The following PTPRZ1 variants were observed in gnomAD, a reference collection of about 807,000 sequenced individuals.
The protein encoded by PTPRZ1 is protein tyrosine phosphatase receptor type Z1.
Under a neutral mutation model 214.1 loss-of-function variants are expected in PTPRZ1, and 82 were observed. The ratio of observed to expected loss-of-function variants is 0.38; its 90% CI spans 0.32 to 0.46. The LOEUF (loss-of-function observed/expected upper bound fraction) is 0.46, where lower values mean the gene tolerates loss of function less well. Among genes scored for constraint, PTPRZ1 ranks in the 20% least tolerant of loss-of-function variants. PTPRZ1 has a pLI of 1.00. For synonymous variants in PTPRZ1, 945 were observed against 987.9 expected (o/e 0.96, Z 0.81); for missense variants, 2,603 against 2,748.7 (o/e 0.95, Z 1.19).
Position 121,984,020 on chromosome 7 carries a change from G to A in PTPRZ1, c.831G>A (p.Leu277=), listed in dbSNP as rs1188858810. 1.2e-6 allele frequency: 2 copies of A among 1,613,658 alleles called. No homozygotes were observed. The highest frequency in any genetic ancestry group is 2.2e-5 in the South Asian group (2 of 91,066). ...TGCAACAATCTGGTTATGTCATGCTGATGGACTACTTACAAAACAATTTTC... is the reference window on the plus strand; with the variant it reads ...TGCAACAATCTGGTTATGTCATGCTAATGGACTACTTACAAAACAATTTTC... ...LTMQQSGYVM[L]MDYLQNNFRE... The change falls in exon 8 of 30, where the codon CTG becomes CTA. Residue 277 remains leucine (L), a synonymous_variant. Coordinates refer to ENST00000393386, the MANE Select transcript of PTPRZ1 (RefSeq NM_002851.3).
intron 13 of PTPRZ1, among the ~76,000 whole-genome samples, chr7:122,026,504 C>T (rs1036906652): frequency 2.6e-5 from 4 of 152,148 alleles, no homozygotes; most frequent in Non-Finnish European, 4.4e-5. Flanking sequence ...TAGTTTCTGC[C>T]ACAATCTGGT....
Position 122,019,167 on chromosome 7 carries a change from G to C in PTPRZ1, c.4887G>C (p.Glu1629Asp). 1 of 1,612,386 alleles carries C rather than the reference G, an allele frequency of 6.2e-7. No homozygotes were observed. The highest frequency in any genetic ancestry group is 8.5e-7 in the Non-Finnish European group (1 of 1,178,552). Reference protein sequence around the residue: ...SSHESRIGLAEGLESEKKAVI... With the variant: ...SSHESRIGLADGLESEKKAVI... The stretch of plus-strand genomic sequence containing the variant: ...ATGAGTCTCGTATTGGTCTAGCTGA[G>C]GGGTTGGAATCCGAGAAGAAGGCAG... Residue 1629 changes from glutamate (E) to aspartate (D), a missense_variant, in exon 13 of 30, where the codon GAG (glutamate) becomes GAC (aspartate). Glu to Asp is a conservative substitution (Grantham distance 45, BLOSUM62 2). Transcript: ENST00000393386.
chr7:122,028,697 C>A, intron 14 of PTPRZ1, 54 bp downstream of exon 14: 2 of 1,361,560 alleles, frequency 1.5e-6, no homozygotes, highest in South Asian at 1.2e-5. Flanking sequence ...ACAAAAAGCA[C>A]AATGTTGAAA....
chr7:121,962,915 C>T lies in PTPRZ1; in HGVS notation c.125-5036C>T, dbSNP rs147978958. On this transcript the variant is annotated intron_variant, in intron 2 of 29. Coordinates refer to ENST00000393386, the MANE Select transcript of PTPRZ1 (RefSeq NM_002851.3). The stretch of plus-strand genomic sequence containing the variant: ...AGTTTATTTCCTTTGTTTTTCTACT[C>T]GTGGTGATTTGAAACAGTCTTTCTT... 4.2e-3 allele frequency among the ~76,000 whole-genome samples: 633 copies of T among 152,110 alleles called. 3 individuals carry two copies. The highest frequency in any genetic ancestry group is 0.015 in the African/African-American group (603 of 41,500).
At chr7:122,053,842 A>G in intron 25 of PTPRZ1, 68 bp from the exon 26 acceptor site, 4 of 1,571,230 alleles carry the variant, frequency 2.5e-6, no homozygotes, top group South Asian at 1.2e-5. Flanking sequence ...CCATTGATGT[A>G]TAAATGCTTA....
intron 2 of PTPRZ1, among the ~76,000 whole-genome samples, chr7:121,934,349 A>C (rs1481919757): frequency 6.6e-6 from 1 of 152,000 alleles, no homozygotes; most frequent in Non-Finnish European, 1.5e-5. Flanking sequence ...GAGCATGGAC[A>C]GTGCTCAGTG....
chr7:121,951,921 G>A (rs564642498), intron 2 of PTPRZ1, among the ~76,000 whole-genome samples: 2 of 151,728 alleles, frequency 1.3e-5, no homozygotes, highest in South Asian at 4.2e-4. Context: ...GTAGACACAA[G>A]TTTAGATACC....
chr7:121,949,174 A>T (rs183581885), intron 2 of PTPRZ1, among the ~76,000 whole-genome samples: 6 of 152,184 alleles, frequency 3.9e-5, no homozygotes, highest in Non-Finnish European at 8.8e-5. Context: ...CTTCTAGGTC[A>T]TAGGTAGAAA....
Position 121,873,524 on chromosome 7 carries a change from G to T in PTPRZ1, c.25G>T (p.Ala9Ser), listed in dbSNP as rs563667571. The change falls in exon 1 of 30, where the codon GCT (alanine) becomes TCT (serine). Residue 9 changes from alanine (A) to serine (S), a missense_variant. By Grantham distance (99) the Ala-to-Ser change is moderately conservative. This residue lies in a region of PTPRZ1 where 141 missense variants were observed against 143.7 expected (regional missense o/e 0.98). Transcript: ENST00000393386. Reference sequence around the variant, plus strand: ...AATGCGAATCCTAAAGCGTTTCCTCGCTTGCATTCAGCTCCTCTGTGTTTG... The same window carrying T: ...AATGCGAATCCTAAAGCGTTTCCTCTCTTGCATTCAGCTCCTCTGTGTTTG... MRILKRFL[A>S]CIQLLCVCRL... The T allele has an allele frequency of 6.2e-7, 1 of 1,613,986 alleles. No homozygotes were observed. The highest frequency in any genetic ancestry group is 8.5e-7 in the Non-Finnish European group (1 of 1,180,024).
chr7:121,949,290 G>A (rs1277436395), intron 2 of PTPRZ1, among the ~76,000 whole-genome samples: 1 of 152,164 alleles, frequency 6.6e-6, no homozygotes, highest in Non-Finnish European at 1.5e-5. Context: ...TAATTAGAAG[G>A]GGAGGTAGGT....
At chr7:121,932,051 A>G (rs577009772) in intron 2 of PTPRZ1, among the ~76,000 whole-genome samples, 72 of 152,290 alleles carry the variant, frequency 4.7e-4, no homozygotes, top group Non-Finnish European at 8.7e-4. Context: ...ATTGGTTTGG[A>G]AAATTATTCC....
chr7:121,957,157 C>A (rs1158034768), intron 2 of PTPRZ1, among the ~76,000 whole-genome samples: 2 of 152,076 alleles, frequency 1.3e-5, no homozygotes, highest in Non-Finnish European at 2.9e-5. Flanking sequence ...TCCCTTTTTC[C>A]CTCTGGGTAC....
chr7:121,982,978 C>T (rs368392783), intron 6 of PTPRZ1, among the ~76,000 whole-genome samples: 7 of 152,064 alleles, frequency 4.6e-5, no homozygotes, highest in African/African-American at 1.4e-4. Flanking sequence ...GGGGTTTCAC[C>T]GTGTTAGCCA....
chr7:122,036,134 C>T (rs1457869381), intron 17 of PTPRZ1, among the ~76,000 whole-genome samples: 2 of 152,178 alleles, frequency 1.3e-5, no homozygotes, highest in Non-Finnish European at 2.9e-5. Flanking sequence ...TCTATCTCTT[C>T]TTCCTTCATC....
chr7:121,990,512 CTTTTTTTTTT>C (rs758696565), intron 8 of PTPRZ1, among the ~76,000 whole-genome samples: 3 of 73,472 alleles, frequency 4.1e-5, no homozygotes, highest in African/African-American at 1.8e-4. Context: ...TGAAAACTGT[CTTTTTTTTTT>C]TTTTTTTTTT....
At chr7:121,884,573 A>G (rs1794342446) in intron 1 of PTPRZ1, among the ~76,000 whole-genome samples, 1 of 152,212 alleles carries the variant, frequency 6.6e-6, no homozygotes, top group South Asian at 2.1e-4. Flanking sequence ...TCTTCCTGTG[A>G]CCTGAATACA....
chr7:121,878,842 A>G (rs1023342523), intron 1 of PTPRZ1, among the ~76,000 whole-genome samples: 2 of 152,122 alleles, frequency 1.3e-5, no homozygotes, highest in Non-Finnish European at 2.9e-5. Context: ...GTGCCAATAA[A>G]TCTTTAATGT....
intron 17 of PTPRZ1, among the ~76,000 whole-genome samples, chr7:122,035,136 T>C (rs1147494): frequency 0.63 from 95,641 of 151,972 alleles, 32,187 homozygotes; most frequent in African/African-American, 0.89. Context: ...TATTCAGTGG[T>C]GTGGCCCTTC....
rs1305727844 is a variant in PTPRZ1, at chr7:122,011,428, G to T, written c.2382G>T (p.Leu794Phe). ...TPAASSSDSA[L>F]HATPVFPSVD... ...CTGCTTCAAGTAGTGATTCGGCCTT[G>T]CATGCTACGCCTGTATTTCCCAGTG... Residue 794 changes from leucine to phenylalanine, a missense_variant, in exon 12 of 30, where the codon TTG (leucine) becomes TTT (phenylalanine). Coordinates refer to ENST00000393386, the MANE Select transcript of PTPRZ1 (RefSeq NM_002851.3). The T allele has an allele frequency of 6.2e-7, 1 of 1,613,960 alleles. No individual in the cohort carries two copies. Among genetic ancestry groups the T allele is most frequent in the Non-Finnish European group, 8.5e-7 (1 of 1,180,008 alleles).
Sources: gnomAD v4.1 joint callset for allele counts (sites outside exome capture counted in the v4.1 genomes callset) on GRCh38, gnomAD v4.1.1 for gene constraint, gnomAD v4.1.1 regional missense constraint, MANE v1.5 for transcripts, NCBI Gene and HGNC (gene_info 2026-07-23, HGNC 2026-07-21) for gene names.